PRH1: variants seen among roughly 807,000 people sequenced by gnomAD.
The protein encoded by PRH1 is salivary acidic proline-rich phosphoprotein 1/2.
Under a neutral mutation model 7.9 loss-of-function variants are expected in PRH1, and 7 were observed. The observed-to-expected ratio is 0.89, with a 90% CI of 0.50 to 1.67. The LOEUF (loss-of-function observed/expected upper bound fraction) is 1.67, where lower values mean the gene tolerates loss of function less well. Among genes scored for constraint, PRH1 ranks in the 40% most tolerant of loss-of-function variants. PRH1 has a pLI of 0.00. For missense variants in PRH1, 109 were observed against 223.6 expected, an observed-to-expected ratio of 0.49 and a Z score of 3.27; for synonymous variants, 45 against 80.8, an observed-to-expected ratio of 0.56 and a Z score of 2.38.
At chr12:11,019,401 G>C (rs566558185) in intron 1 of PRH1, among the ~76,000 whole-genome samples, 2 of 152,410 alleles carry the variant, frequency 1.3e-5, no homozygotes, top group South Asian at 2.1e-4. Flanking sequence ...CCCTGGACTT[G>C]CCTTCCCAAA....
intron 1 of PRH1, among the ~76,000 whole-genome samples, chr12:11,151,303 T>C (rs1316516434): frequency 6.6e-6 from 1 of 151,914 alleles, no homozygotes; most frequent in Non-Finnish European, 1.5e-5. Context: ...GCCCTGCTTA[T>C]GCCATAAGTG....
chr12:11,134,927 C>T (rs1946501741), intron 1 of PRH1, among the ~76,000 whole-genome samples: 1 of 152,120 alleles, frequency 6.6e-6, no homozygotes, highest in African/African-American at 2.4e-5. Context: ...CACACATGTG[C>T]ACACCACTTA....
intron 2 of PRH1, among the ~76,000 whole-genome samples, chr12:10,903,952 A>AAAAAAAAC (rs1421438864): frequency 4.1e-5 from 6 of 144,898 alleles, no homozygotes; most frequent in African/African-American, 1.5e-4. Context: ...AAAAAAAAAA[A>AAAAAAAAC]AACAACTAGG....
chr12:11,150,799 A>G (rs1947057882), intron 1 of PRH1, among the ~76,000 whole-genome samples: 1 of 152,208 alleles, frequency 6.6e-6, no homozygotes, highest in Admixed American at 6.5e-5. Context: ...GTGCACATGT[A>G]CCCTAAAACT....
upstream of PRH1, among the ~76,000 whole-genome samples, chr12:10,885,590 A>G (rs1230739995): frequency 1.3e-5 from 2 of 152,156 alleles, no homozygotes; most frequent in Non-Finnish European, 2.9e-5. Flanking sequence ...TTAAGTTTCC[A>G]AAAAGCCCTG....
intron 2 of PRH1, among the ~76,000 whole-genome samples, chr12:10,912,860 T>C (rs1227021839): frequency 6.6e-6 from 1 of 152,214 alleles, no homozygotes; most frequent in East Asian, 1.9e-4. Context: ...CTGAAAATAA[T>C]GTGTATCCTG....
chr12:11,076,515 G>T (rs539766088), intron 1 of PRH1, among the ~76,000 whole-genome samples: 1 of 117,162 alleles, frequency 8.5e-6, no homozygotes, highest in African/African-American at 2.9e-5. Flanking sequence ...GAGCTCAGAG[G>T]TGGCTAAGAA....
chr12:10,897,396 GC>G (rs139156918), intron 2 of PRH1, among the ~76,000 whole-genome samples: 33,831 of 152,064 alleles, frequency 0.22, 3,895 homozygotes, highest in Non-Finnish European at 0.25. Context: ...CACTTGAATT[GC>G]CCCCAGTTGT....
intron 1 of PRH1, among the ~76,000 whole-genome samples, chr12:11,129,222 G>A (rs1189793114): frequency 2.6e-5 from 4 of 152,288 alleles, no homozygotes; most frequent in African/African-American, 9.6e-5. Flanking sequence ...GCCCGCAGTG[G>A]GAGTTTTGAA....
At chr12:11,127,913 T>C (rs1362134815) in intron 1 of PRH1, among the ~76,000 whole-genome samples, 2 of 152,042 alleles carry the variant, frequency 1.3e-5, no homozygotes, top group Admixed American at 1.3e-4. Context: ...GAGACCATCC[T>C]GGCTAACACG....
chr12:11,166,921 C>A (rs35813024), intron 1 of PRH1, among the ~76,000 whole-genome samples: 34,607 of 151,974 alleles, frequency 0.23, 3,988 homozygotes, highest in Non-Finnish European at 0.24. Context: ...TGGTTTGGGG[C>A]CTCCTTCATC....
intron 2 of PRH1, chr12:10,964,724 T>G (rs989188320): frequency 3.0e-5 from 20 of 658,624 alleles, no homozygotes; most frequent in Non-Finnish European, 4.6e-5. Flanking sequence ...GCCATGGAAC[T>G]GCATCTTCTT....
chr12:11,166,173 TTCCTGCCCC>T (rs1565722446), intron 1 of PRH1: 1 of 152,276 alleles, frequency 6.6e-6, no homozygotes, highest in Non-Finnish European at 1.5e-5. Flanking sequence ...TCAGGCAATC[TTCCTGCCCC>T]TCCTTGAGTG....
At chr12:10,967,212 A>C (rs1441894086) in intron 2 of PRH1, among the ~76,000 whole-genome samples, 1 of 152,146 alleles carries the variant, frequency 6.6e-6, no homozygotes, top group Non-Finnish European at 1.5e-5. Flanking sequence ...TAACTAAAAT[A>C]AAGTTCCCAC....
chr12:11,149,145 T>C (rs1451799892), intron 1 of PRH1, among the ~76,000 whole-genome samples: 2 of 152,080 alleles, frequency 1.3e-5, no homozygotes, highest in Non-Finnish European at 2.9e-5. Flanking sequence ...CCCTTTATTA[T>C]TTTTTATTGT....
chr12:10,983,995 T>G (rs1220318572), intron 1 of PRH1, among the ~76,000 whole-genome samples: 1 of 152,186 alleles, frequency 6.6e-6, no homozygotes, highest in Non-Finnish European at 1.5e-5. Flanking sequence ...TTTCTGTGGG[T>G]TTTTAATATG....
intron 1 of PRH1, chr12:11,006,371 C>CTTTTTTTTTTTTTTTTTT (rs199571634): frequency 8.1e-6 from 1 of 123,208 alleles, no homozygotes; most frequent in Non-Finnish European, 1.7e-5. Context: ...TTCTCCTTTT[C>CTTTTTTTTTTTTTTTTTT]TTTTTTTTTT....
chr12:10,915,171 C>G (rs1949956208), intron 2 of PRH1, among the ~76,000 whole-genome samples: 1 of 152,048 alleles, frequency 6.6e-6, no homozygotes. Context: ...AGCCTTAAGA[C>G]TAGGATTATC....
intron 2 of PRH1, among the ~76,000 whole-genome samples, chr12:10,923,258 T>C (rs1392947850): frequency 6.6e-6 from 1 of 152,010 alleles, no homozygotes; most frequent in Admixed American, 6.5e-5. Context: ...CCTGAGTAGC[T>C]GGGATTACAG....
Sources: allele counts gnomAD v4.1 joint callset (sites outside exome capture counted in the v4.1 genomes callset), GRCh38; gene constraint gnomAD v4.1.1; transcripts MANE v1.5; gene names NCBI Gene and HGNC (gene_info 2026-07-23, HGNC 2026-07-21).